Variants in ASAP1 observed in about 807,000 individuals in gnomAD.
ASAP1 encodes ArfGAP with SH3 domain, ankyrin repeat and PH domain 1.
In ASAP1, 43 loss-of-function variants were observed where a neutral mutation model predicts 145.2. The observed-to-expected ratio is 0.30, with a 90% CI of 0.23 to 0.38. ASAP1 has a LOEUF of 0.38. Among genes scored for constraint, ASAP1 ranks in the 10% least tolerant of loss-of-function variants. ASAP1 has a pLI of 1.00. For missense variants in ASAP1, 1,018 were observed against 1,355.3 expected (o/e 0.75, Z 3.91); for synonymous variants, 546 against 515.5 (o/e 1.06, Z -0.80).
intron 2 of ASAP1, among the ~76,000 whole-genome samples, chr8:130,366,886 CTTTTT>C (rs905755447): frequency 3.3e-4 from 33 of 99,206 alleles, no homozygotes; most frequent in Non-Finnish European, 4.7e-4. Flanking sequence ...TGCTAGATTC[CTTTTT>C]TTTTTTTTTT....
Position 130,060,740 on chromosome 8 carries a change from C to T in ASAP1, c.3031G>A (p.Ala1011Thr). 1.2e-6 allele frequency: 2 copies of T among 1,614,046 alleles called. No homozygotes were observed. Among genetic ancestry groups the T allele is most frequent in the Non-Finnish European group, 1.7e-6 (2 of 1,180,006 alleles). The change falls in exon 28 of 30, where the codon GCT becomes ACT. Residue 1011 changes from alanine (A) to threonine (T), a missense_variant. Transcript: ENST00000518721. Reference protein sequence around the residue: ...KSQTGDVSPKAQQPSEVTLKS... With the variant: ...KSQTGDVSPKTQQPSEVTLKS... ...AGTGTGACCTCAGAGGGTTGCTGAG[C>T]CTTGGGTGAGACATCTCCAGTCTGG...
intron 3 of ASAP1, among the ~76,000 whole-genome samples, chr8:130,323,197 G>A (rs915999694): frequency 3.9e-5 from 6 of 152,148 alleles, no homozygotes; most frequent in African/African-American, 1.2e-4. Context: ...ATGTTCCTGG[G>A]GAGGACAAGA....
intron 2 of ASAP1, among the ~76,000 whole-genome samples, chr8:130,372,927 GAC>G (rs751788822): frequency 1.7e-4 from 26 of 151,656 alleles, no homozygotes; most frequent in Non-Finnish European, 3.5e-4. Flanking sequence ...CACATACACA[GAC>G]ACACACGCAT....
intron 26 of ASAP1, among the ~76,000 whole-genome samples, chr8:130,079,203 A>G (rs2135306620): frequency 6.6e-6 from 1 of 152,246 alleles, no homozygotes; most frequent in South Asian, 2.1e-4. Context: ...TCAAAAAAAG[A>G]GAGATTTTGT....
At chr8:130,404,222 A>G (rs1828927351) in intron 1 of ASAP1, among the ~76,000 whole-genome samples, 2 of 152,248 alleles carry the variant, frequency 1.3e-5, no homozygotes, top group Admixed American at 6.5e-5. Flanking sequence ...CGATCAAACC[A>G]TTTCCTTCAA....
At chr8:130,372,293 T>C (rs574654898) in intron 2 of ASAP1, among the ~76,000 whole-genome samples, 8 of 152,324 alleles carry the variant, frequency 5.3e-5, no homozygotes, top group Middle Eastern at 6.8e-3. Context: ...CAAGGCAGAT[T>C]CCACACAGGA....
At chr8:130,249,580 C>G (rs1455075371) in intron 3 of ASAP1, among the ~76,000 whole-genome samples, 2 of 152,176 alleles carry the variant, frequency 1.3e-5, no homozygotes, top group South Asian at 2.1e-4. Flanking sequence ...TCACTGCCCC[C>G]CTTCCCCAAT....
intron 3 of ASAP1, among the ~76,000 whole-genome samples, chr8:130,337,653 G>A (rs1347371929): frequency 6.6e-6 from 1 of 152,166 alleles, no homozygotes; most frequent in East Asian, 1.9e-4. Flanking sequence ...AGTACTAAAG[G>A]CTAGCCAAAC....
chr8:130,404,879 G>A (rs536586600), intron 1 of ASAP1, among the ~76,000 whole-genome samples: 2 of 152,130 alleles, frequency 1.3e-5, no homozygotes, highest in African/African-American at 4.8e-5. Context: ...ACCACAAAAG[G>A]AATATGTCTC....
intron 16 of ASAP1, among the ~76,000 whole-genome samples, chr8:130,126,633 C>T (rs2097575419): frequency 6.6e-6 from 1 of 152,192 alleles, no homozygotes; most frequent in African/African-American, 2.4e-5. Flanking sequence ...CTATTACTTC[C>T]ATGTTAGCCA....
chr8:130,209,904 C>T (rs1816473150), intron 5 of ASAP1, among the ~76,000 whole-genome samples: 1 of 152,092 alleles, frequency 6.6e-6, no homozygotes, highest in Admixed American at 6.6e-5. Context: ...AGGTAAACAA[C>T]TGATAGCATT....
intron 4 of ASAP1, among the ~76,000 whole-genome samples, chr8:130,215,428 T>C (rs1173123601): frequency 1.3e-5 from 2 of 151,824 alleles, no homozygotes; most frequent in Non-Finnish European, 2.9e-5. Context: ...CGAGACCCCG[T>C]CTCTACAAAA....
chr8:130,201,219 C>G lies in ASAP1; in HGVS notation c.406-13036G>C, dbSNP rs533200609. 3.9e-5 allele frequency among the ~76,000 whole-genome samples: 6 copies of G among 152,322 alleles called. No individual in the cohort carries two copies. In the South Asian group the frequency reaches 6.2e-4, roughly 16 times the overall value. On this transcript the variant is annotated intron_variant, in intron 5 of 29. Transcript: ENST00000518721. ...GTTCCTTTAGAGAAGGAAAGACTTACAGCCAGAGAGCAGAAATCACTTGCC... is the reference window on the plus strand; with the variant it reads ...GTTCCTTTAGAGAAGGAAAGACTTAGAGCCAGAGAGCAGAAATCACTTGCC...
Position 130,358,162 on chromosome 8 carries a change from C to G in ASAP1, c.60-19G>C. On this transcript the variant is annotated intron_variant, in intron 2 of 29. Coordinates refer to ENST00000518721, the MANE Select transcript of ASAP1 (RefSeq NM_018482.4). This position sits in a 1 kb window ranked among gnomAD's most constrained non-coding sequence, Gnocchi z 4.1. ...CGGCATCCTGCCGGGAGGGACGAGA[C>G]ACAAGCGGGGGCGGGGGGTGAGTCA... 2 of 1,592,784 alleles carry G rather than the reference C, an allele frequency of 1.3e-6. No homozygotes were observed. The highest frequency in any genetic ancestry group is 1.7e-6 in the Non-Finnish European group (2 of 1,171,546).
At chr8:130,130,567 C>G (rs1171123251) in intron 15 of ASAP1, among the ~76,000 whole-genome samples, 2 of 152,142 alleles carry the variant, frequency 1.3e-5, no homozygotes, top group African/African-American at 4.8e-5. Context: ...CAAGCATACT[C>G]AAAAGCATAA....
intron 3 of ASAP1, among the ~76,000 whole-genome samples, chr8:130,244,032 A>G (rs927862195): frequency 3.3e-5 from 5 of 152,242 alleles, no homozygotes; most frequent in African/African-American, 1.2e-4. Flanking sequence ...GTGATGACCT[A>G]TTAAATTCAT....
At chr8:130,115,580 A>C (rs1281797969) in intron 23 of ASAP1, 48 bp downstream of exon 23, 2 of 1,438,626 alleles carry the variant, frequency 1.4e-6, no homozygotes, top group African/African-American at 1.4e-5. Flanking sequence ...CACAGACTAG[A>C]AAAGTTGGGG....
chr8:130,327,247 G>C, intron 3 of ASAP1, among the ~76,000 whole-genome samples: 1 of 152,206 alleles, frequency 6.6e-6, no homozygotes, highest in South Asian at 2.1e-4. Flanking sequence ...GGCCCTGTCT[G>C]TCTTCCAATG....
chr8:130,406,530 G>A (rs1829037893), intron 1 of ASAP1, among the ~76,000 whole-genome samples: 1 of 148,754 alleles, frequency 6.7e-6, no homozygotes, highest in Non-Finnish European at 1.5e-5. Flanking sequence ...CTGGAGTGCT[G>A]GAGTGCAGTG....
Sources: gnomAD v4.1 joint callset for allele counts (sites outside exome capture counted in the v4.1 genomes callset) on GRCh38, gnomAD v4.1.1 for gene constraint, Gnocchi (gnomAD v3.1) non-coding constraint, MANE v1.5 for transcripts, NCBI Gene and HGNC (gene_info 2026-07-23, HGNC 2026-07-21) for gene names.